APOL5: variants seen among roughly 807,000 people sequenced by gnomAD.
The protein encoded by APOL5 is apolipoprotein L, 5.
In APOL5, 29 loss-of-function variants were observed where a neutral mutation model predicts 35.5. The observed-to-expected ratio is 0.82, with a 90% CI of 0.61 to 1.11. APOL5 has a LOEUF of 1.11. APOL5 is among the 50% of genes most tolerant of loss of function. The pLI, the probability that APOL5 is intolerant of heterozygous loss-of-function variation, is 0.00. For synonymous variants in APOL5, 188 were observed against 200.2 expected (o/e 0.94, Z 0.51); for missense variants, 514 against 530.4 (o/e 0.97, Z 0.30).
chr22:35,720,036 C>T (rs1271906239), intron 1 of APOL5, among the ~76,000 whole-genome samples: 8 of 152,124 alleles, frequency 5.3e-5, no homozygotes, highest in South Asian at 2.1e-4. Flanking sequence ...CAGCATCCGC[C>T]GGTGTATTCT....
At chr22:35,718,088 C>A (rs1351226631) in intron 1 of APOL5, among the ~76,000 whole-genome samples, 162 bp downstream of exon 1, 1 of 152,206 alleles carries the variant, frequency 6.6e-6, no homozygotes, top group South Asian at 2.1e-4. Context: ...TATCATGAGA[C>A]CCTCTCAATT....
At chr22:35,718,778 C>A (rs1369209383) in intron 1 of APOL5, among the ~76,000 whole-genome samples, 3 of 150,882 alleles carry the variant, frequency 2.0e-5, no homozygotes, top group African/African-American at 4.9e-5. Flanking sequence ...GGGCACGTGG[C>A]CAGGCACAGC....
At chr22:35,710,574 A>G in the APOL5 span, among the ~76,000 whole-genome samples, 5 of 152,020 alleles carry the variant, frequency 3.3e-5, no homozygotes, top group Admixed American at 6.6e-5. Flanking sequence ...TATTTCAAGC[A>G]TTGTTAAGGG....
Position 35,727,090 on chromosome 22 carries a change from A to C in APOL5, c.1022A>C (p.Asp341Ala). Residue 341 changes from aspartate to alanine, a missense_variant, in exon 3 of 5, where the codon GAC (aspartate) becomes GCC (alanine). Transcript: ENST00000249044. Reference protein sequence around the residue: ...ALAKKLEQELDRLTQHHRHLP... With the variant: ...ALAKKLEQELARLTQHHRHLP... ...GCTAAGAAGCTGGAGCAGGAGCTGGACCGGCTCACCCAGCACCACCGGCAC... is the reference window on the plus strand; with the variant it reads ...GCTAAGAAGCTGGAGCAGGAGCTGGCCCGGCTCACCCAGCACCACCGGCAC... 6.2e-7 allele frequency: 1 copy of C among 1,611,968 alleles called. No individual in the cohort carries two copies. The highest frequency in any genetic ancestry group is 8.5e-7 in the Non-Finnish European group (1 of 1,180,004).
At chr22:35,713,588 G>T (rs5999967), upstream of APOL5, among the ~76,000 whole-genome samples, 63,648 of 152,068 alleles carry the variant, frequency 0.42, 14,331 homozygotes, top group African/African-American at 0.58. Flanking sequence ...GCCACTCATC[G>T]CCTCTCTGAA....
At chr22:35,727,262 C>T (rs1927205786) in intron 3 of APOL5, 68 bp downstream of exon 3, 1 of 1,534,878 alleles carries the variant, frequency 6.5e-7, no homozygotes, top group African/African-American at 1.4e-5. Flanking sequence ...GGGTGGGGGG[C>T]GACGAATGCT....
At chr22:35,719,251 T>A (rs1926873668) in intron 1 of APOL5, among the ~76,000 whole-genome samples, 1 of 152,202 alleles carries the variant, frequency 6.6e-6, no homozygotes, top group Non-Finnish European at 1.5e-5. Flanking sequence ...TATCTTTTTG[T>A]CAAATTATAT....
Position 35,728,791 on chromosome 22 carries a change from A to C in APOL5, c.1195A>C (p.Arg399=), listed in dbSNP as rs778591084. 2 of 1,613,574 alleles carry C rather than the reference A, an allele frequency of 1.2e-6. No homozygotes were observed. Among genetic ancestry groups the C allele is most frequent in the Non-Finnish European group, 1.7e-6 (2 of 1,179,776 alleles). The part of the protein sequence containing the change: ...QPRLGPGVAL[R]TPKRTVSAPR... ...TAGGCTGGGCCCTGGCGTGGCACTG[A>C]GGACACCAAAGAGGACAGTCTCTGC... is the stretch of plus-strand genomic sequence containing the variant. Residue 399 remains arginine, a synonymous_variant, in exon 4 of 5, where the codon AGG becomes CGG. Coordinates refer to ENST00000249044, the MANE Select transcript of APOL5 (RefSeq NM_030642.1).
At chr22:35,725,842 C>A (rs1927133472) in intron 2 of APOL5, among the ~76,000 whole-genome samples, 2 of 152,082 alleles carry the variant, frequency 1.3e-5, no homozygotes, top group South Asian at 2.1e-4. Context: ...AATCTTGTGG[C>A]CTCTGGCTGA....
chr22:35,711,699 G>C, the APOL5 span, among the ~76,000 whole-genome samples: 1 of 117,296 alleles, frequency 8.5e-6, no homozygotes, highest in African/African-American at 3.1e-5. Flanking sequence ...TTCCCTCACG[G>C]AGTTTTGCTC....
chr22:35,718,407 CAG>C (rs1926836744), intron 1 of APOL5, among the ~76,000 whole-genome samples: 3 of 151,578 alleles, frequency 2.0e-5, no homozygotes, highest in African/African-American at 7.3e-5. Context: ...CACTTGAGGC[CAG>C]GAGTTCAAGA....
At position 35,727,167 on chromosome 22, in the gene APOL5, C is replaced by G. The variant is rs1020979664; in HGVS notation, c.1099C>G (p.Arg367Gly). 1.2e-6 allele frequency: 2 copies of G among 1,603,602 alleles called. No individual in the cohort carries two copies. The highest frequency in any genetic ancestry group is 8.5e-7 in the Non-Finnish European group (1 of 1,179,334). ...TTCCAGCTCCCGGGGCAGGGCTGTT[C>G]GAGGATCCCGTGTGGTTAAACCAGA... is the stretch of plus-strand genomic sequence containing the variant. ...TCSSSRGRAV[R>G]GSRVVKPEGS... is the part of the protein sequence containing the mutation. The change falls in exon 3 of 5, where the codon CGA (arginine) becomes GGA (glycine). Residue 367 changes from arginine (R) to glycine (G), a missense_variant. Transcript: ENST00000249044.
upstream of APOL5, among the ~76,000 whole-genome samples, chr22:35,715,665 A>G (rs971332345): frequency 6.6e-6 from 1 of 152,122 alleles, no homozygotes; most frequent in African/African-American, 2.4e-5. Context: ...AAATATATAC[A>G]TACATACATA....
intron 2 of APOL5, 78 bp from the exon 3 acceptor site, chr22:35,726,133 T>C (rs1927142743): frequency 6.6e-7 from 1 of 1,516,902 alleles, no homozygotes; most frequent in Admixed American, 2.0e-5. Context: ...GCAAAGGTGG[T>C]TTCGACATTG....
intron 1 of APOL5, among the ~76,000 whole-genome samples, chr22:35,718,945 A>G (rs566575206): frequency 6.6e-6 from 1 of 151,944 alleles, no homozygotes; most frequent in East Asian, 1.9e-4. Context: ...TATAATTGCA[A>G]CAACTCGGGA....
chr22:35,710,691 C>T, the APOL5 span, among the ~76,000 whole-genome samples: 1 of 151,546 alleles, frequency 6.6e-6, no homozygotes, highest in East Asian at 2.0e-4. Context: ...CCCAAGTAAA[C>T]AATAACTCCT....
At chr22:35,713,951 G>C (rs915373835), upstream of APOL5, among the ~76,000 whole-genome samples, 2 of 152,066 alleles carry the variant, frequency 1.3e-5, no homozygotes, top group Non-Finnish European at 2.9e-5. Flanking sequence ...TCTCATCCTG[G>C]GTTCCTTAGC....
chr22:35,718,412 G>T (rs1181420918), intron 1 of APOL5, among the ~76,000 whole-genome samples: 2 of 152,058 alleles, frequency 1.3e-5, no homozygotes, highest in African/African-American at 4.8e-5. Flanking sequence ...GAGGCCAGGA[G>T]TTCAAGACCA....
upstream of APOL5, chr22:35,717,771 A>AAGG: frequency 1.3e-5 from 9 of 691,720 alleles, no homozygotes; most frequent in Non-Finnish European, 1.9e-5. Flanking sequence ...AAGAAAAGAA[A>AAGG]AAAAAATAGG....
Sources: gnomAD v4.1 joint callset for allele counts (sites outside exome capture counted in the v4.1 genomes callset) on GRCh38, gnomAD v4.1.1 for gene constraint, MANE v1.5 for transcripts, NCBI Gene and HGNC (gene_info 2026-07-23, HGNC 2026-07-21) for gene names.